Variants in COL4A6 observed in about 807,000 individuals in gnomAD.
The protein encoded by COL4A6 is collagen alpha-6(IV) chain.
COL4A6 carries 59 observed loss-of-function variants against 126.7 expected under a neutral mutation model. The ratio of observed to expected loss-of-function variants is 0.47; its 90% CI spans 0.38 to 0.58. COL4A6 has a LOEUF of 0.58. Among genes scored for constraint, COL4A6 ranks in the 20% least tolerant of loss-of-function variants. The probability of loss-of-function intolerance (pLI) is 0.00; values close to 1 mark genes in which losing one functional copy is unlikely to be tolerated. For missense variants in COL4A6, 1,285 were observed against 1,337.3 expected (o/e 0.96, Z 0.61); for synonymous variants, 547 against 496.6 (o/e 1.10, Z -1.35).
chrX:108,220,033 C>A (rs755560070), intron 4 of COL4A6, among the ~76,000 whole-genome samples: 57 of 110,931 alleles, frequency 5.1e-4, no homozygotes, highest in Non-Finnish European at 9.8e-4. Context: ...AACTGGAGAA[C>A]CTTGAATGAC....
intron 2 of COL4A6, among the ~76,000 whole-genome samples, chrX:108,338,369 A>C (rs973169856): frequency 8.9e-6 from 1 of 112,089 alleles, no homozygotes; most frequent in African/African-American, 3.2e-5. Flanking sequence ...AAGTTACATG[A>C]GATGGAAAAA....
chrX:108,353,653 G>T (rs1169910246), intron 2 of COL4A6, among the ~76,000 whole-genome samples: 1 of 111,877 alleles, frequency 8.9e-6, no homozygotes, highest in Non-Finnish European at 1.9e-5. Context: ...AGTGGAGGAG[G>T]AGGTGGTGGG....
At chrX:108,172,090 C>T (rs1375520002) in intron 32 of COL4A6, among the ~76,000 whole-genome samples, 7 of 111,743 alleles carry the variant, frequency 6.3e-5, no homozygotes, top group Non-Finnish European at 1.1e-4. Flanking sequence ...CAGTGGCTCA[C>T]GCCTGTAATC....
rs2034514567 is a variant in COL4A6, at chrX:108,176,915, G to T, written c.2612C>A (p.Pro871Gln). ...LPGLKGLPGN[P>Q]GLVGLKGSPG... is the part of the protein sequence containing the mutation. ...GCTTCCTTTCAGTCCTACTAGGCCT[G>T]GATTTCCAGGAAGGCCTTTTAGCCC... The change falls in exon 28 of 45, where the codon CCA becomes CAA. Residue 871 changes from proline to glutamine, a missense_variant. Physicochemically the swap from Pro to Gln is moderately conservative, Grantham distance 76 (BLOSUM62 -1). Transcript: ENST00000334504. 5.0e-6 allele frequency: 6 copies of T among 1,210,509 alleles called. No homozygotes were observed. The highest frequency in any genetic ancestry group is 6.7e-6 in the Non-Finnish European group (6 of 895,272).
intron 2 of COL4A6, among the ~76,000 whole-genome samples, chrX:108,430,240 A>G (rs1174909781): frequency 8.9e-6 from 1 of 111,983 alleles, no homozygotes; most frequent in African/African-American, 3.2e-5. Flanking sequence ...TTCCAGAGAG[A>G]GGGACTGCAT....
intron 2 of COL4A6, among the ~76,000 whole-genome samples, chrX:108,403,976 A>AG (rs2041150583): frequency 9.0e-6 from 1 of 111,530 alleles, no homozygotes; most frequent in African/African-American, 3.3e-5. Context: ...TGATTTAATA[A>AG]GGGGGTCTTA....
In COL4A6 at chrX:108,224,309, C is replaced by G. The variant is rs746401208; in HGVS notation, c.145-2935G>C. On this transcript the variant is annotated intron_variant, in intron 3 of 44. Transcript: ENST00000334504. ...TCCAACAAGAGAGCTGAAAGGAACT[C>G]TCCTAAAGAACTCACATATATTTTT... Among the ~76,000 whole-genome samples the G allele has an allele frequency of 8.9e-5, 10 of 112,162 alleles. No homozygotes were observed. The South Asian group carries it at 3.4e-3, about 38-fold the overall frequency.
chrX:108,318,224 C>T (rs1170520287), intron 2 of COL4A6, among the ~76,000 whole-genome samples: 1 of 111,254 alleles, frequency 9.0e-6, no homozygotes, highest in Non-Finnish European at 1.9e-5. Context: ...GGACGTATCT[C>T]AAAATAATAA....
Position 108,160,634 on chromosome X carries a change from G to A in COL4A6, c.4354C>T (p.Pro1452Ser). Residue 1452 changes from proline (P) to serine (S), a missense_variant, in exon 43 of 45, where the codon CCC (proline) becomes TCC (serine). Pro to Ser is a moderately conservative substitution (Grantham distance 74). Coordinates refer to ENST00000334504, the MANE Select transcript of COL4A6 (RefSeq NM_033641.4). ...CCAGGCATTCCAGGCATCCCGAAGGGGCCTTGCTGCCCTGGAGCTCCTGAG... is the reference window on the plus strand; with the variant it reads ...CCAGGCATTCCAGGCATCCCGAAGGAGCCTTGCTGCCCTGGAGCTCCTGAG... ...GFEGAPGQQG[P>S]FGMPGMPGQS... 1 of 1,207,661 alleles carries A rather than the reference G, an allele frequency of 8.3e-7. No individual in the cohort carries two copies. Among genetic ancestry groups the A allele is most frequent in the Non-Finnish European group, 1.1e-6 (1 of 893,749 alleles).
intron 2 of COL4A6, among the ~76,000 whole-genome samples, chrX:108,373,195 T>G (rs7880201): frequency 0.073 from 8,113 of 110,862 alleles, 654 homozygotes; most frequent in African/African-American, 0.23. Context: ...TTGAGCCCAG[T>G]AGTTCAAGAC....
At chrX:108,416,278 T>C (rs1452810045) in intron 2 of COL4A6, among the ~76,000 whole-genome samples, 2 of 111,821 alleles carry the variant, frequency 1.8e-5, no homozygotes, top group South Asian at 3.7e-4. Context: ...ATATTATTTA[T>C]AGCATAAAGT....
At chrX:108,259,217 T>C (rs2037091334) in intron 3 of COL4A6, among the ~76,000 whole-genome samples, 1 of 111,257 alleles carries the variant, frequency 9.0e-6, no homozygotes, top group African/African-American at 3.3e-5. Context: ...AATCCCATCG[T>C]TTAAATTAAT....
At chrX:108,347,659 C>T (rs1001879031) in intron 2 of COL4A6, among the ~76,000 whole-genome samples, 3 of 111,219 alleles carry the variant, frequency 2.7e-5, no homozygotes, top group Non-Finnish European at 5.6e-5. Context: ...CAGAAAGAAA[C>T]ATTAATTTCC....
At chrX:108,383,344 C>T (rs1303785218) in intron 2 of COL4A6, 3 of 317,441 alleles carry the variant, frequency 9.5e-6, no homozygotes, top group Non-Finnish European at 1.8e-5. Flanking sequence ...AACAATTACA[C>T]ACATATATGC....
rs755180040 is a variant in COL4A6 at position 108,175,801 on chromosome X, T to C, written c.2687-4A>G. The stretch of plus-strand genomic sequence containing the variant: ...AATCCAACAGACCCCTTCTCTCCTG[T>C]TGAAAAACAAGAACTTTTATTATCA... On this transcript the variant is annotated splice_region_variant and splice_polypyrimidine_tract_variant and intron_variant, in intron 28 of 44. Coordinates refer to ENST00000334504, the MANE Select transcript of COL4A6 (RefSeq NM_033641.4). 14 of 1,187,336 alleles carry C rather than the reference T, an allele frequency of 1.2e-5. No homozygotes were observed. In the South Asian group the frequency reaches 2.6e-4, roughly 22 times the overall value.
intron 14 of COL4A6, among the ~76,000 whole-genome samples, chrX:108,196,119 G>C (rs1336284986): frequency 2.7e-5 from 3 of 111,466 alleles, no homozygotes; most frequent in African/African-American, 9.8e-5. Context: ...GTTGCACTTG[G>C]CCCTCTTTCT....
chrX:108,420,678 A>T (rs958133239), intron 2 of COL4A6, among the ~76,000 whole-genome samples: 3 of 111,991 alleles, frequency 2.7e-5, no homozygotes, highest in Non-Finnish European at 5.6e-5. Context: ...ACATGAAAAG[A>T]TAAAGGCACA....
intron 2 of COL4A6, among the ~76,000 whole-genome samples, chrX:108,428,642 G>A (rs1441542468): frequency 9.0e-6 from 1 of 110,617 alleles, no homozygotes; most frequent in Non-Finnish European, 1.9e-5. Context: ...GTTTACCTAT[G>A]TAACAAATCT....
At chrX:108,269,485 T>A (rs1245917273) in intron 3 of COL4A6, among the ~76,000 whole-genome samples, 1 of 111,552 alleles carries the variant, frequency 9.0e-6, no homozygotes, top group Admixed American at 9.5e-5. Flanking sequence ...CAAGCTAGAT[T>A]TGAGCAACTC....
Sources: gnomAD v4.1 joint callset for allele counts (sites outside exome capture counted in the v4.1 genomes callset) on GRCh38, gnomAD v4.1.1 for gene constraint, MANE v1.5 for transcripts, NCBI Gene and HGNC (gene_info 2026-07-23, HGNC 2026-07-21) for gene names.